Variants in NRG1 observed in about 807,000 individuals in gnomAD.
NRG1 encodes the protein pro-neuregulin-1, membrane-bound isoform.
NRG1 carries 18 observed loss-of-function variants against 63.8 expected under a neutral mutation model. The ratio of observed to expected loss-of-function variants is 0.28; its 90% confidence interval spans 0.19 to 0.42. The LOEUF (loss-of-function observed/expected upper bound fraction) is 0.42, where lower values mean the gene tolerates loss of function less well. NRG1 is among the 10% of genes least tolerant of loss of function. The pLI is 1.00. For synonymous variants in NRG1, 302 were observed against 301.3 expected (o/e 1.00, Z -0.02); for missense variants, 762 against 814.7 (o/e 0.94, Z 0.79).
At chr8:31,843,128 A>G (rs1826351274) in intron 1 of NRG1, among the ~76,000 whole-genome samples, 1 of 151,988 alleles carries the variant, frequency 6.6e-6, no homozygotes, top group South Asian at 2.1e-4. Context: ...GAAAAAAAAA[A>G]CACCTTTTAT....
intron 1 of NRG1, among the ~76,000 whole-genome samples, chr8:32,193,307 T>TG (rs1177628317): frequency 6.7e-6 from 1 of 149,250 alleles, no homozygotes; most frequent in Non-Finnish European, 1.5e-5. Flanking sequence ...TCTACCTTTG[T>TG]GTGTGTGTGT....
intron 1 of NRG1, among the ~76,000 whole-genome samples, chr8:31,876,117 A>G (rs1829900257): frequency 1.3e-5 from 2 of 152,202 alleles, no homozygotes; most frequent in African/African-American, 4.8e-5. Flanking sequence ...AGGACCAATT[A>G]AAAGTCAGTT....
intron 1 of NRG1, among the ~76,000 whole-genome samples, chr8:32,049,369 C>T (rs148015856): frequency 4.9e-4 from 75 of 152,174 alleles, no homozygotes; most frequent in African/African-American, 1.8e-3. Context: ...AAGATTTCTG[C>T]CCTTTCAGTG....
chr8:31,858,200 G>A (rs1385583085), intron 1 of NRG1, among the ~76,000 whole-genome samples: 1 of 152,048 alleles, frequency 6.6e-6, no homozygotes, highest in Non-Finnish European at 1.5e-5. Context: ...TCGGGAGGCT[G>A]AGGCAGGAGA....
intron 1 of NRG1, among the ~76,000 whole-genome samples, chr8:31,974,317 C>A (rs1315531707): frequency 5.9e-5 from 9 of 152,030 alleles, no homozygotes; most frequent in African/African-American, 1.9e-4. Context: ...AGGTGCACTA[C>A]CCTGCCTGGC....
At chr8:31,994,426 G>A (rs948112908) in intron 1 of NRG1, among the ~76,000 whole-genome samples, 3 of 151,794 alleles carry the variant, frequency 2.0e-5, no homozygotes, top group Admixed American at 1.3e-4. Context: ...GCCGAGGTGG[G>A]AGGATCACTT....
intron 5 of NRG1, among the ~76,000 whole-genome samples, chr8:32,696,890 G>A (rs1813475014): frequency 1.3e-5 from 2 of 151,898 alleles, no homozygotes; most frequent in Admixed American, 1.3e-4. Flanking sequence ...CAAAACTCTT[G>A]ACATCAGGTG....
intron 1 of NRG1, among the ~76,000 whole-genome samples, chr8:31,711,409 A>C (rs1310966875): frequency 6.6e-6 from 1 of 152,202 alleles, no homozygotes; most frequent in East Asian, 1.9e-4. Context: ...TTATGGTGTT[A>C]AATGCAACTG....
intron 1 of NRG1, among the ~76,000 whole-genome samples, chr8:31,943,531 G>GAAATAAATAAATAAAT (rs55983255): frequency 0.027 from 3,986 of 148,632 alleles, 203 homozygotes; most frequent in African/African-American, 0.094. Context: ...AAAACCTATT[G>GAAATAAATAAATAAAT]AAATAAATAA....
At chr8:31,935,951 G>T (rs1222100104) in intron 1 of NRG1, among the ~76,000 whole-genome samples, 3 of 152,102 alleles carry the variant, frequency 2.0e-5, no homozygotes, top group African/African-American at 7.2e-5. Context: ...GGAGAATATG[G>T]CCTAGTCAAA....
chr8:32,203,293 G>A (rs1286480579), intron 1 of NRG1, among the ~76,000 whole-genome samples: 2 of 149,508 alleles, frequency 1.3e-5, no homozygotes, highest in African/African-American at 2.5e-5. Context: ...AGAGAGAAAG[G>A]AATCTACGGA....
At chr8:31,886,723 C>T (rs1001984626) in intron 1 of NRG1, among the ~76,000 whole-genome samples, 9 of 151,962 alleles carry the variant, frequency 5.9e-5, no homozygotes, top group African/African-American at 1.9e-4. Context: ...TGGTAGCTAG[C>T]TTGGAATAGG....
intron 1 of NRG1, among the ~76,000 whole-genome samples, chr8:32,479,609 G>A (rs1463303748): frequency 6.6e-6 from 1 of 152,078 alleles, no homozygotes; most frequent in African/African-American, 2.4e-5. Context: ...AAGGTTTAGA[G>A]CCTCTTAACC....
intron 1 of NRG1, among the ~76,000 whole-genome samples, chr8:32,502,694 C>T (rs1196072559): frequency 6.6e-6 from 1 of 151,866 alleles, no homozygotes; most frequent in Non-Finnish European, 1.5e-5. Context: ...ACATCTCACT[C>T]TCCTTGTACT....
chr8:32,632,589 A>G (rs1588857325), intron 5 of NRG1, among the ~76,000 whole-genome samples: 1 of 152,174 alleles, frequency 6.6e-6, no homozygotes, highest in East Asian at 1.9e-4. Flanking sequence ...CACAGTGACA[A>G]TGTTCAGTGT....
chr8:32,661,858 G>A (rs1298687654), intron 5 of NRG1, among the ~76,000 whole-genome samples: 12 of 152,138 alleles, frequency 7.9e-5, no homozygotes, highest in Non-Finnish European at 1.8e-4. Context: ...CAGAGTACTG[G>A]TGGAGGAGCA....
chr8:31,649,320 A>G (rs1405958143), intron 1 of NRG1, among the ~76,000 whole-genome samples: 1 of 152,094 alleles, frequency 6.6e-6, no homozygotes, highest in Non-Finnish European at 1.5e-5. Flanking sequence ...CAGCTGCACC[A>G]TTTTACATTC....
At chr8:32,369,151 C>T (rs965910882) in intron 1 of NRG1, among the ~76,000 whole-genome samples, 4 of 152,190 alleles carry the variant, frequency 2.6e-5, no homozygotes, top group Non-Finnish European at 5.9e-5. Context: ...ACTTGGAGGC[C>T]GTGGCCTCCT....
chr8:32,772,204 C>A (rs953728017), downstream of NRG1, among the ~76,000 whole-genome samples: 5 of 151,442 alleles, frequency 3.3e-5, no homozygotes, highest in African/African-American at 9.7e-5. Context: ...TCCTCACGTC[C>A]TCTTCACTCT....
Sources: allele counts gnomAD v4.1 joint callset (sites outside exome capture counted in the v4.1 genomes callset), GRCh38; gene constraint gnomAD v4.1.1; transcripts MANE v1.5; gene names NCBI Gene and HGNC (gene_info 2026-07-23, HGNC 2026-07-21).